PPARG: variants seen among roughly 807,000 people sequenced by gnomAD.
PPARG encodes peroxisome proliferator-activated receptor gamma.
A neutral mutation model predicts 39.2 loss-of-function variants in PPARG; 17 were observed. The observed-to-expected ratio is 0.43, with a 90% CI of 0.30 to 0.65. The LOEUF (loss-of-function observed/expected upper bound fraction) is 0.65, where lower values mean the gene tolerates loss of function less well. PPARG is among the 30% of genes least tolerant of loss of function. The pLI is 0.13. For missense variants in PPARG, 406 were observed against 585.9 expected, an observed-to-expected ratio of 0.69 and a Z score of 3.17; for synonymous variants, 223 against 215.7, an observed-to-expected ratio of 1.03 and a Z score of -0.30.
intron 7 of PPARG, among the ~76,000 whole-genome samples, chr3:12,420,141 C>T (rs4135354): frequency 0.034 from 5,131 of 152,230 alleles, 276 homozygotes; most frequent in African/African-American, 0.12. Context: ...TATTCCTACC[C>T]ACATATACGA....
chr3:12,311,075 C>G (rs1370764062), intron 1 of PPARG, among the ~76,000 whole-genome samples: 1 of 151,982 alleles, frequency 6.6e-6, no homozygotes. Flanking sequence ...AAAATTATTG[C>G]TTTGTTTTTG....
At chr3:12,289,877 A>G (rs2046606054) in intron 1 of PPARG, among the ~76,000 whole-genome samples, 1 of 152,178 alleles carries the variant, frequency 6.6e-6, no homozygotes, top group African/African-American at 2.4e-5. Context: ...TTTGTGTAGT[A>G]TATTTTCAAT....
At chr3:12,422,871 G>A (rs2051311292) in intron 7 of PPARG, among the ~76,000 whole-genome samples, 2 of 138,700 alleles carry the variant, frequency 1.4e-5, no homozygotes, top group Non-Finnish European at 3.0e-5. Flanking sequence ...AACAGAGTGA[G>A]ATCCTGTCTC....
chr3:12,296,745 C>G (rs1390708088), intron 1 of PPARG, among the ~76,000 whole-genome samples: 2 of 152,150 alleles, frequency 1.3e-5, no homozygotes, highest in African/African-American at 4.8e-5. Context: ...TTAGGAATCC[C>G]TAGTCTCCGC....
chr3:12,310,485 A>G lies in PPARG; in HGVS notation c.-82-1895A>G, dbSNP rs1283946861. On this transcript the variant is annotated intron_variant, in intron 1 of 7. Coordinates refer to ENST00000651735, the MANE Select transcript of PPARG (RefSeq NM_138711.6). ...TTTTTTTTTTTTTTTTTTTTTTGAG[A>G]CAGAGTCTCGCTCTGTCGCCCAGGC... Among the ~76,000 whole-genome samples the G allele has an allele frequency of 2.5e-4, 20 of 81,364 alleles. 1 individual carries two copies. Among genetic ancestry groups the G allele is most frequent in the African/African-American group, 8.6e-4 (18 of 21,030 alleles). 53.4% of individuals were successfully genotyped at this position (81,364 alleles called of 152,430 possible).
At chr3:12,337,547 A>G (rs1315419871) in intron 2 of PPARG, among the ~76,000 whole-genome samples, 3 of 152,210 alleles carry the variant, frequency 2.0e-5, no homozygotes, top group East Asian at 1.9e-4. Context: ...CTTAGAAGCC[A>G]TCTAATCTAC....
intron 7 of PPARG, among the ~76,000 whole-genome samples, chr3:12,428,107 G>A (rs965603478): frequency 6.6e-6 from 1 of 152,162 alleles, no homozygotes; most frequent in African/African-American, 2.4e-5. Context: ...GACACCTCCT[G>A]AGAAAATCTG....
At chr3:12,333,068 G>T (rs1196930890) in intron 2 of PPARG, among the ~76,000 whole-genome samples, 1 of 152,056 alleles carries the variant, frequency 6.6e-6, no homozygotes, top group Non-Finnish European at 1.5e-5. Context: ...TCTAAATTAG[G>T]TTTGAGTAAA....
intron 2 of PPARG, among the ~76,000 whole-genome samples, chr3:12,343,892 G>T: frequency 3.2e-5 from 4 of 124,934 alleles, no homozygotes; most frequent in East Asian, 2.2e-4. Context: ...ACAGAATCTT[G>T]CTCTATCACC....
chr3:12,305,314 A>G (rs1412415025), intron 1 of PPARG, among the ~76,000 whole-genome samples: 16 of 152,234 alleles, frequency 1.1e-4, no homozygotes, highest in Admixed American at 1.0e-3. Flanking sequence ...TAACATTAAC[A>G]GAAATGTTAT....
At chr3:12,380,942 TAAATA>T (rs2049629045) in intron 3 of PPARG, among the ~76,000 whole-genome samples, 1 of 152,220 alleles carries the variant, frequency 6.6e-6, no homozygotes. Context: ...ATGGAATATT[TAAATA>T]AAATGTATAA....
intron 2 of PPARG, among the ~76,000 whole-genome samples, chr3:12,340,912 T>C (rs190086041): frequency 5.4e-4 from 82 of 152,224 alleles, no homozygotes; most frequent in South Asian, 3.1e-3. Flanking sequence ...TGGCTGGGCG[T>C]GGTGGCTCAC....
chr3:12,325,113 C>T lies in PPARG; in HGVS notation c.-9+12660C>T, dbSNP rs142946354. Among the ~76,000 whole-genome samples, 1,452 of 151,990 alleles carry T rather than the reference C, an allele frequency of 9.6e-3. 9 individuals carry two copies. Among genetic ancestry groups the T allele is most frequent in the Non-Finnish European group, 0.014 (983 of 67,966 alleles). Reference sequence around the variant, plus strand: ...ACCAGCCTGGCCAATATGGTGAGACCCCGTCTCTACTAAAAATACAAAACA... The same window carrying T: ...ACCAGCCTGGCCAATATGGTGAGACTCCGTCTCTACTAAAAATACAAAACA... On this transcript the variant is annotated intron_variant, in intron 2 of 7. Transcript: ENST00000651735.
intron 2 of PPARG, among the ~76,000 whole-genome samples, chr3:12,346,049 T>C (rs1027250053): frequency 1.3e-5 from 2 of 152,194 alleles, no homozygotes; most frequent in African/African-American, 2.4e-5. Flanking sequence ...CAAGTTAACA[T>C]AGTTTAGGTG....
chr3:12,322,308 C>G (rs2047569541), intron 2 of PPARG, among the ~76,000 whole-genome samples: 1 of 152,298 alleles, frequency 6.6e-6, no homozygotes, highest in East Asian at 1.9e-4. Flanking sequence ...TTTTTTGGCT[C>G]CTACTTGTAT....
chr3:12,337,359 T>TA (rs1314286468), intron 2 of PPARG, among the ~76,000 whole-genome samples: 6 of 152,168 alleles, frequency 3.9e-5, no homozygotes, highest in African/African-American at 1.4e-4. Context: ...GAGTAGAACT[T>TA]ATGTGTTAGG....
chr3:12,375,854 GTAGA>G (rs2049386887), intron 2 of PPARG, among the ~76,000 whole-genome samples: 1 of 152,078 alleles, frequency 6.6e-6, no homozygotes, highest in African/African-American at 2.4e-5. Flanking sequence ...ACTTATTTAT[GTAGA>G]TAGACATGTG....
At chr3:12,382,238 G>A (rs1373596274) in intron 4 of PPARG, among the ~76,000 whole-genome samples, 3 of 152,118 alleles carry the variant, frequency 2.0e-5, no homozygotes, top group African/African-American at 7.2e-5. Context: ...AACAGTGTGG[G>A]AAAGGAGATA....
intron 6 of PPARG, among the ~76,000 whole-genome samples, chr3:12,409,642 CA>C (rs577771233): frequency 1.2e-3 from 182 of 152,074 alleles, no homozygotes; most frequent in African/African-American, 4.2e-3. Context: ...TGCAGCAGAG[CA>C]ATTTGCATTT....
Sources: gnomAD v4.1 joint callset for allele counts (sites outside exome capture counted in the v4.1 genomes callset) on GRCh38, gnomAD v4.1.1 for gene constraint, MANE v1.5 for transcripts, NCBI Gene and HGNC (gene_info 2026-07-23, HGNC 2026-07-21) for gene names.